Variants in ZNF704 observed in about 807,000 individuals in gnomAD.
ZNF704 encodes zinc finger protein 704.
ZNF704 carries 10 observed loss-of-function variants against 44.7 expected under a neutral mutation model. That is an observed-to-expected ratio of 0.22 (90% CI 0.14 to 0.38). The LOEUF is 0.38. ZNF704 is among the 10% of genes least tolerant of loss of function. ZNF704 has a pLI of 1.00. For missense variants in ZNF704, 390 were observed against 545.5 expected, an observed-to-expected ratio of 0.71 and a Z score of 2.84; for synonymous variants, 211 against 207.6, an observed-to-expected ratio of 1.02 and a Z score of -0.14.
chr8:80,717,080 A>G (rs1370907411), intron 2 of ZNF704, among the ~76,000 whole-genome samples: 2 of 152,220 alleles, frequency 1.3e-5, no homozygotes, highest in Non-Finnish European at 2.9e-5. Flanking sequence ...CCTCTCTGAC[A>G]CTTTTAGCTA....
chr8:80,803,181 T>A (rs965980750), intron 2 of ZNF704, among the ~76,000 whole-genome samples: 1 of 151,680 alleles, frequency 6.6e-6, no homozygotes, highest in African/African-American at 2.4e-5. Flanking sequence ...GCTCAAAGCA[T>A]CAGAGGACAC....
At chr8:80,769,991 C>A (rs911518121) in intron 2 of ZNF704, among the ~76,000 whole-genome samples, 2 of 152,136 alleles carry the variant, frequency 1.3e-5, no homozygotes, top group Non-Finnish European at 2.9e-5. Flanking sequence ...GAAAGGCACG[C>A]CTCACATGGT....
At chr8:80,790,256 T>C (rs1221463974) in intron 2 of ZNF704, among the ~76,000 whole-genome samples, 2 of 152,174 alleles carry the variant, frequency 1.3e-5, no homozygotes, top group Admixed American at 6.5e-5. Context: ...CCTCAGGGGA[T>C]TTTAATGTGC....
chr8:80,719,006 C>T (rs1392742284), intron 2 of ZNF704, among the ~76,000 whole-genome samples: 2 of 151,922 alleles, frequency 1.3e-5, no homozygotes, highest in African/African-American at 4.8e-5. Flanking sequence ...ACTCTGTTGT[C>T]CAGGCTGGAG....
chr8:80,869,365 C>T (rs1282385246), intron 1 of ZNF704, among the ~76,000 whole-genome samples: 1 of 152,212 alleles, frequency 6.6e-6, no homozygotes, highest in Non-Finnish European at 1.5e-5. Flanking sequence ...GCTCTCAATG[C>T]CTTCAGCTCT....
chr8:80,700,702 G>T (rs1010095616), intron 2 of ZNF704, among the ~76,000 whole-genome samples: 1 of 152,148 alleles, frequency 6.6e-6, no homozygotes, highest in Admixed American at 6.5e-5. Context: ...AAGTAAGATG[G>T]ACAAAATGTT....
chr8:80,850,344 C>T (rs1485211598), intron 1 of ZNF704, among the ~76,000 whole-genome samples: 3 of 152,054 alleles, frequency 2.0e-5, no homozygotes, highest in Non-Finnish European at 2.9e-5. Flanking sequence ...ATATGAACTC[C>T]ATTTTAAAAT....
At chr8:80,871,632 ACTG>A (rs760767474) in intron 1 of ZNF704, among the ~76,000 whole-genome samples, 1 of 152,248 alleles carries the variant, frequency 6.6e-6, no homozygotes, top group Non-Finnish European at 1.5e-5. Flanking sequence ...GAAGGTGTCC[ACTG>A]CTATGTTCTA....
chr8:80,779,700 T>C (rs1807478363), intron 2 of ZNF704, among the ~76,000 whole-genome samples: 1 of 151,904 alleles, frequency 6.6e-6, no homozygotes, highest in African/African-American at 2.4e-5. Flanking sequence ...TTAAGAATAT[T>C]TTAGTTACAC....
intron 1 of ZNF704, among the ~76,000 whole-genome samples, chr8:80,866,551 T>A (rs1303863416): frequency 6.6e-6 from 1 of 152,216 alleles, no homozygotes; most frequent in East Asian, 1.9e-4. Flanking sequence ...GTATTTACCT[T>A]AAGATAAGAT....
intron 1 of ZNF704, among the ~76,000 whole-genome samples, chr8:80,854,591 A>G (rs1469647120): frequency 2.6e-5 from 4 of 152,202 alleles, no homozygotes; most frequent in Non-Finnish European, 5.9e-5. Context: ...ATAAACTAAA[A>G]TCAGAATATA....
chr8:80,760,415 T>C (rs996053354), intron 2 of ZNF704, among the ~76,000 whole-genome samples: 35 of 152,192 alleles, frequency 2.3e-4, no homozygotes, highest in Admixed American at 1.8e-3. Context: ...CCCAACACTT[T>C]GGGAGGCTGA....
intron 2 of ZNF704, among the ~76,000 whole-genome samples, chr8:80,757,982 G>A (rs1807065057): frequency 6.6e-6 from 1 of 152,168 alleles, no homozygotes. Flanking sequence ...ACACATGACT[G>A]TAATTGAAGG....
upstream of ZNF704, among the ~76,000 whole-genome samples, chr8:80,877,633 G>A (rs761281102): frequency 6.6e-6 from 1 of 152,152 alleles, no homozygotes; most frequent in Non-Finnish European, 1.5e-5. Context: ...GATAAAGAAG[G>A]AGCCCCTCCA....
chr8:80,866,884 A>C (rs527769880), intron 1 of ZNF704, among the ~76,000 whole-genome samples: 4 of 152,256 alleles, frequency 2.6e-5, no homozygotes, highest in African/African-American at 7.2e-5. Flanking sequence ...AGCTAGGATT[A>C]CAGGTGCACC....
intron 1 of ZNF704, among the ~76,000 whole-genome samples, chr8:80,857,136 T>C (rs1269666531): frequency 6.6e-6 from 1 of 152,176 alleles, no homozygotes; most frequent in Non-Finnish European, 1.5e-5. Flanking sequence ...TTAGCAGTTT[T>C]GTTGATTCCT....
intron 6 of ZNF704, 101 bp from the exon 7 acceptor site, chr8:80,659,790 A>G (rs1002424994): frequency 8.0e-6 from 8 of 997,952 alleles, no homozygotes; most frequent in African/African-American, 4.8e-5. Context: ...GGTCTCAGCT[A>G]TATTAATAAC....
At chr8:80,804,247 A>G (rs756698115) in intron 2 of ZNF704, among the ~76,000 whole-genome samples, 52 of 152,202 alleles carry the variant, frequency 3.4e-4, no homozygotes, top group Middle Eastern at 6.3e-3. Flanking sequence ...TAGTTAAACC[A>G]TGGTGGAAGA....
intron 2 of ZNF704, among the ~76,000 whole-genome samples, chr8:80,798,877 TGAG>T (rs1266998681): frequency 3.3e-5 from 5 of 152,228 alleles, no homozygotes; most frequent in African/African-American, 9.6e-5. Context: ...TTATGGAGGC[TGAG>T]AAGTCCAAGG....
Sources: allele counts gnomAD v4.1 joint callset (sites outside exome capture counted in the v4.1 genomes callset), GRCh38; gene constraint gnomAD v4.1.1; transcripts MANE v1.5; gene names NCBI Gene and HGNC (gene_info 2026-07-23, HGNC 2026-07-21).